FAT3: variants seen among roughly 807,000 people sequenced by gnomAD.
FAT3 encodes the protein FAT atypical cadherin 3.
A neutral mutation model predicts 310.2 loss-of-function variants in FAT3; 95 were observed. The ratio of observed to expected loss-of-function variants is 0.31; its 90% CI spans 0.26 to 0.36. The LOEUF (loss-of-function observed/expected upper bound fraction) is 0.36, where lower values mean the gene tolerates loss of function less well. Ranked by LOEUF, FAT3 falls within the 10% of genes least tolerant of loss-of-function variation. The pLI is 1.00. For missense variants in FAT3, 5,408 were observed against 5,715.6 expected (o/e 0.95, Z 1.74); for synonymous variants, 2,314 against 2,192.9 (o/e 1.06, Z -1.54).
intron 16 of FAT3, 77 bp from the exon 17 acceptor site, chr11:92,837,586 G>T: frequency 1.3e-6 from 2 of 1,545,698 alleles, no homozygotes; most frequent in Non-Finnish European, 1.8e-6. Context: ...ACAGCCTGTA[G>T]CTCCAGTTCC....
At chr11:92,641,055 G>C (rs1414764715) in intron 3 of FAT3, among the ~76,000 whole-genome samples, 2 of 152,050 alleles carry the variant, frequency 1.3e-5, no homozygotes. Flanking sequence ...AATTAGCCAG[G>C]CATGATAGCA....
chr11:92,330,114 AC>A (rs1172623194), intron 1 of FAT3, among the ~76,000 whole-genome samples: 2 of 152,220 alleles, frequency 1.3e-5, no homozygotes, highest in Non-Finnish European at 2.9e-5. Context: ...TGAAGCAAAA[AC>A]ATTCTCTTCC....
intron 3 of FAT3, among the ~76,000 whole-genome samples, chr11:92,630,069 CCTT>C (rs1941498787): frequency 6.6e-6 from 1 of 152,084 alleles, no homozygotes; most frequent in South Asian, 2.1e-4. Flanking sequence ...ACTCATCAGT[CCTT>C]CTCCATCTGG....
intron 4 of FAT3, among the ~76,000 whole-genome samples, chr11:92,745,632 A>T (rs980601584): frequency 6.7e-6 from 1 of 150,356 alleles, no homozygotes; most frequent in African/African-American, 2.4e-5. Context: ...GAAATACTTT[A>T]TTTCCTAAAG....
chr11:92,344,869 G>T (rs780179294), intron 1 of FAT3, among the ~76,000 whole-genome samples: 5 of 152,118 alleles, frequency 3.3e-5, no homozygotes, highest in African/African-American at 4.8e-5. Flanking sequence ...ATAAGGCTGG[G>T]GGAGGGCACT....
intron 3 of FAT3, among the ~76,000 whole-genome samples, chr11:92,526,532 A>G (rs1953871316): frequency 6.6e-6 from 1 of 152,192 alleles, no homozygotes; most frequent in African/African-American, 2.4e-5. Context: ...AAGCTGCAAA[A>G]GGGAAGTTTT....
intron 3 of FAT3, among the ~76,000 whole-genome samples, chr11:92,620,771 C>T (rs522479): frequency 0.56 from 85,342 of 151,988 alleles, 25,381 homozygotes; most frequent in African/African-American, 0.76. Context: ...ACTGCTGTAA[C>T]GGAATACTCT....
At chr11:92,643,768 G>T (rs1169695699) in intron 3 of FAT3, among the ~76,000 whole-genome samples, 8 of 152,228 alleles carry the variant, frequency 5.3e-5, no homozygotes, top group Admixed American at 3.9e-4. Context: ...CTGCTTGTGT[G>T]CAAACACACC....
intron 1 of FAT3, among the ~76,000 whole-genome samples, chr11:92,275,340 G>A (rs1946240815): frequency 2.0e-5 from 3 of 151,958 alleles, no homozygotes; most frequent in Admixed American, 2.0e-4. Context: ...TTTACCATAT[G>A]AAATCCAAAC....
intron 2 of FAT3, among the ~76,000 whole-genome samples, chr11:92,398,192 T>C (rs1409671087): frequency 6.6e-6 from 1 of 152,084 alleles, no homozygotes; most frequent in Non-Finnish European, 1.5e-5. Flanking sequence ...CTTCACATTG[T>C]CTTCCCTCTG....
At chr11:92,267,102 C>T (rs1434269659) in intron 1 of FAT3, among the ~76,000 whole-genome samples, 8 of 152,034 alleles carry the variant, frequency 5.3e-5, no homozygotes, top group Admixed American at 3.3e-4. Flanking sequence ...CCCATCCTGC[C>T]GACTTTTGCA....
At chr11:92,349,083 C>T (rs1435033859) in intron 1 of FAT3, among the ~76,000 whole-genome samples, 1 of 152,048 alleles carries the variant, frequency 6.6e-6, no homozygotes, top group Non-Finnish European at 1.5e-5. Context: ...GGGAAGTTTT[C>T]CTCTCTGATG....
At chr11:92,330,497 A>G (rs1947887679) in intron 1 of FAT3, among the ~76,000 whole-genome samples, 2 of 152,248 alleles carry the variant, frequency 1.3e-5, no homozygotes, top group Admixed American at 6.5e-5. Flanking sequence ...TTTCAGGAAC[A>G]TGATTTTATA....
intron 3 of FAT3, among the ~76,000 whole-genome samples, chr11:92,596,566 G>A (rs1052638826): frequency 6.6e-6 from 1 of 152,168 alleles, no homozygotes; most frequent in Non-Finnish European, 1.5e-5. Context: ...ATGCAAGAGA[G>A]TAAACCATGG....
intron 5 of FAT3, among the ~76,000 whole-genome samples, chr11:92,763,539 A>C (rs987540645): frequency 6.6e-6 from 1 of 152,096 alleles, no homozygotes; most frequent in Non-Finnish European, 1.5e-5. Context: ...TGTTCTCCAG[A>C]GAATCATCCT....
chr11:92,568,274 A>T (rs1345487976), intron 3 of FAT3, among the ~76,000 whole-genome samples: 1 of 152,146 alleles, frequency 6.6e-6, no homozygotes, highest in African/African-American at 2.4e-5. Flanking sequence ...AGAAGAATTT[A>T]AATGTTACTG....
At chr11:92,556,230 CTT>C (rs1480450289) in intron 3 of FAT3, among the ~76,000 whole-genome samples, 3 of 152,154 alleles carry the variant, frequency 2.0e-5, no homozygotes, top group African/African-American at 7.2e-5. Flanking sequence ...TTCAAGGTGA[CTT>C]ATATCCAGGC....
chr11:92,595,611 A>C (rs1291727398), intron 3 of FAT3, among the ~76,000 whole-genome samples: 3 of 152,230 alleles, frequency 2.0e-5, no homozygotes, highest in African/African-American at 4.8e-5. Context: ...TGTAACTCAC[A>C]TAATGAAGTA....
intron 3 of FAT3, among the ~76,000 whole-genome samples, chr11:92,541,496 T>C (rs1399116520): frequency 1.3e-5 from 2 of 152,142 alleles, no homozygotes; most frequent in African/African-American, 4.8e-5. Flanking sequence ...TTGAAGGAAA[T>C]TTTATATTGA....
Sources: gnomAD v4.1 joint callset for allele counts (sites outside exome capture counted in the v4.1 genomes callset) on GRCh38, gnomAD v4.1.1 for gene constraint, MANE v1.5 for transcripts, NCBI Gene and HGNC (gene_info 2026-07-23, HGNC 2026-07-21) for gene names.